PHACTR1: variants seen among roughly 807,000 people sequenced by gnomAD.
PHACTR1 encodes RPEL repeat containing 1.
In PHACTR1, 16 loss-of-function variants were observed where a neutral mutation model predicts 69.2. The ratio of observed to expected loss-of-function variants is 0.23; its 90% CI spans 0.16 to 0.35. PHACTR1 has a LOEUF of 0.35. Ranked by LOEUF, PHACTR1 falls within the 10% of genes least tolerant of loss-of-function variation. PHACTR1 has a pLI of 1.00. For synonymous variants in PHACTR1, 312 were observed against 284.5 expected (o/e 1.10, Z -0.97); for missense variants, 510 against 734.7 (o/e 0.69, Z 3.54).
chr6:13,029,047 A>T (rs910921701), intron 4 of PHACTR1, among the ~76,000 whole-genome samples: 1 of 152,218 alleles, frequency 6.6e-6, no homozygotes, highest in African/African-American at 2.4e-5. Flanking sequence ...TGTGCCAATT[A>T]TGAGAATTAA....
At chr6:13,220,851 T>C (rs756803157) in intron 8 of PHACTR1, among the ~76,000 whole-genome samples, 7 of 152,226 alleles carry the variant, frequency 4.6e-5, no homozygotes, top group Non-Finnish European at 7.3e-5. Context: ...TTTGATCAAC[T>C]TATCCATCAG....
intron 4 of PHACTR1, among the ~76,000 whole-genome samples, chr6:12,846,701 C>G (rs1048172508): frequency 6.8e-6 from 1 of 148,122 alleles, no homozygotes; most frequent in Admixed American, 6.7e-5. Context: ...ACATCATCAC[C>G]TTAATAATTA....
chr6:12,881,196 A>G (rs1247441578), intron 4 of PHACTR1, among the ~76,000 whole-genome samples: 1 of 152,192 alleles, frequency 6.6e-6, no homozygotes, highest in Non-Finnish European at 1.5e-5. Context: ...GGCAGATGTA[A>G]AAAAGGAAGG....
chr6:12,814,271 T>C (rs1156597559), intron 4 of PHACTR1, among the ~76,000 whole-genome samples: 1 of 152,182 alleles, frequency 6.6e-6, no homozygotes, highest in Non-Finnish European at 1.5e-5. Context: ...AAGATCAGGG[T>C]TCTCCAGTCA....
chr6:12,856,726 C>G (rs1199025815), intron 4 of PHACTR1, among the ~76,000 whole-genome samples: 2 of 152,152 alleles, frequency 1.3e-5, no homozygotes, highest in African/African-American at 4.8e-5. Context: ...GTTCCCTGAT[C>G]GGCTGTTCAC....
At chr6:13,146,612 G>A (rs974929342) in intron 5 of PHACTR1, among the ~76,000 whole-genome samples, 3 of 152,196 alleles carry the variant, frequency 2.0e-5, no homozygotes, top group African/African-American at 7.2e-5. Flanking sequence ...AAAACACTTT[G>A]AACAAGGGTG....
intron 5 of PHACTR1, among the ~76,000 whole-genome samples, chr6:13,054,003 A>G (rs1806397766): frequency 6.6e-6 from 1 of 152,236 alleles, no homozygotes; most frequent in Non-Finnish European, 1.5e-5. Flanking sequence ...AAGAATACAA[A>G]TGAATCATTG....
In PHACTR1 at chr6:12,770,900, G is replaced by T. The variant is rs114232423; in HGVS notation, c.250+21110G>T. Among the ~76,000 whole-genome samples, 708 of 152,326 alleles carry T rather than the reference G, an allele frequency of 4.6e-3. 4 individuals are homozygous for T. The highest frequency in any genetic ancestry group is 0.016 in the African/African-American group (681 of 41,582). On this transcript the variant is annotated intron_variant, in intron 4 of 14. Transcript: ENST00000332995. ...TTCAGCAGGGCTTCAGGAAAGAGCA[G>T]TTTCTCCCGGAAAGGCAGAGGAGAG...
At chr6:12,994,501 G>A (rs1040336350) in intron 4 of PHACTR1, among the ~76,000 whole-genome samples, 2 of 152,140 alleles carry the variant, frequency 1.3e-5, no homozygotes, top group African/African-American at 4.8e-5. Context: ...AAAAAATTAA[G>A]TGATTACTAA....
chr6:12,830,680 C>G (rs1428157983), intron 4 of PHACTR1, among the ~76,000 whole-genome samples: 1 of 152,060 alleles, frequency 6.6e-6, no homozygotes, highest in African/African-American at 2.4e-5. Flanking sequence ...ACCTCCATCT[C>G]CCGGGTTCAA....
intron 4 of PHACTR1, among the ~76,000 whole-genome samples, chr6:12,972,720 C>T (rs564395662): frequency 9.4e-4 from 141 of 149,926 alleles, no homozygotes; most frequent in Non-Finnish European, 1.5e-3. Flanking sequence ...GGTGCAATCT[C>T]GGCTCACTGC....
At chr6:12,779,477 A>G (rs1347636495) in intron 4 of PHACTR1, among the ~76,000 whole-genome samples, 1 of 152,074 alleles carries the variant, frequency 6.6e-6, no homozygotes, top group East Asian at 1.9e-4. Flanking sequence ...AATTAAAGCA[A>G]AAGCTTTGGG....
chr6:13,089,918 A>C (rs78249740), intron 5 of PHACTR1, among the ~76,000 whole-genome samples: 1 of 152,214 alleles, frequency 6.6e-6, no homozygotes, highest in Admixed American at 6.5e-5. Flanking sequence ...TGACATAATA[A>C]ATTTCCTGAA....
chr6:13,278,463 T>G, intron 12 of PHACTR1, 134 bp downstream of exon 12: 10 of 729,200 alleles, frequency 1.4e-5, no homozygotes, highest in Non-Finnish European at 2.3e-5. Context: ...GCCACTCTCT[T>G]ACTCTATAAG....
intron 4 of PHACTR1, among the ~76,000 whole-genome samples, chr6:12,784,405 CAT>C (rs1325541726): frequency 1.3e-5 from 2 of 151,666 alleles, no homozygotes; most frequent in African/African-American, 2.4e-5. Flanking sequence ...CATATACACA[CAT>C]ATCTATACAC....
intron 4 of PHACTR1, among the ~76,000 whole-genome samples, chr6:12,894,783 A>G (rs1338749172): frequency 6.6e-6 from 1 of 152,222 alleles, no homozygotes. Flanking sequence ...CTAGAATTAC[A>G]TGAGGAATAA....
rs745522121 is a variant in PHACTR1, at chr6:12,718,737, C to T, written c.-8C>T. On this transcript the variant is annotated 5_prime_UTR_variant, in exon 3 of 15. Coordinates refer to ENST00000332995, the MANE Select transcript of PHACTR1 (RefSeq NM_030948.6). ...TTCTCTCAAAACTCTGTGTTTGGAACATCAAGGATGGATTATCCCAAAATG... is the reference window on the plus strand; with the variant it reads ...TTCTCTCAAAACTCTGTGTTTGGAATATCAAGGATGGATTATCCCAAAATG... 3 of 1,485,926 alleles carry T rather than the reference C, an allele frequency of 2.0e-6. No individual in the cohort carries two copies. The highest frequency in any genetic ancestry group is 2.8e-5 in the African/African-American group (2 of 72,100). The allele number at this position is 1,485,926 out of a possible 1,614,324, so 92.0% of individuals were successfully genotyped here. A position where few individuals can be genotyped will look rare whatever the true frequency, so the allele number is the denominator to read the frequency against.
At chr6:12,969,612 T>G (rs1196595781) in intron 4 of PHACTR1, among the ~76,000 whole-genome samples, 2 of 152,180 alleles carry the variant, frequency 1.3e-5, no homozygotes, top group African/African-American at 2.4e-5. Flanking sequence ...AGACACATAA[T>G]TGAGAACTCA....
At chr6:13,056,573 T>A (rs544305754) in intron 5 of PHACTR1, among the ~76,000 whole-genome samples, 1 of 152,218 alleles carries the variant, frequency 6.6e-6, no homozygotes, top group Non-Finnish European at 1.5e-5. Flanking sequence ...TTGACACTTG[T>A]TGAAGATAAG....
Sources: gnomAD v4.1 joint callset for allele counts (sites outside exome capture counted in the v4.1 genomes callset) on GRCh38, gnomAD v4.1.1 for gene constraint, MANE v1.5 for transcripts, NCBI Gene and HGNC (gene_info 2026-07-23, HGNC 2026-07-21) for gene names.